ABCD2: variants seen among roughly 807,000 people sequenced by gnomAD.
The protein encoded by ABCD2 is ATP-binding cassette sub-family D member 2.
A neutral mutation model predicts 70.9 loss-of-function variants in ABCD2; 36 were observed. The observed-to-expected ratio is 0.51, with a 90% CI of 0.39 to 0.67. The LOEUF is 0.67. Among genes scored for constraint, ABCD2 ranks in the 30% least tolerant of loss-of-function variants. The pLI is 0.00. For missense variants in ABCD2, 729 were observed against 890.2 expected (o/e 0.82, Z 2.30); for synonymous variants, 304 against 306.9 (o/e 0.99, Z 0.10).
chr12:39,569,341 C>T (rs748687765), intron 9 of ABCD2, among the ~76,000 whole-genome samples: 95 of 152,338 alleles, frequency 6.2e-4, no homozygotes, highest in Non-Finnish European at 9.6e-4. Context: ...CACCCCTCCC[C>T]AGCCTTGCTG....
At position 39,550,212 on chromosome 12, in the gene ABCD2, A is replaced by G. The variant is rs991692466; in HGVS notation, c.*3700T>C. On this transcript the variant is annotated 3_prime_UTR_variant, in exon 10 of 10. Coordinates refer to ENST00000308666, the MANE Select transcript of ABCD2 (RefSeq NM_005164.4). ...AATACAATGTCTAAGTAAGGCGTAT[A>G]TAGACATATACCCAACATGGCCATT... 16 of 151,790 alleles carry G rather than the reference A, an allele frequency of 1.1e-4. No individual in the cohort carries two copies. The highest frequency in any genetic ancestry group is 3.9e-4 in the African/African-American group (16 of 41,404). 9.4% of individuals were successfully genotyped at this position (151,790 alleles called of 1,614,324 possible).
intron 9 of ABCD2, among the ~76,000 whole-genome samples, chr12:39,567,937 A>G (rs1941381956): frequency 1.3e-5 from 2 of 151,642 alleles, no homozygotes; most frequent in African/African-American, 4.9e-5. Context: ...TTTCTTTAAG[A>G]ATGTTGAATA....
At chr12:39,537,500 A>G in the ABCD2 span, among the ~76,000 whole-genome samples, 2 of 152,208 alleles carry the variant, frequency 1.3e-5, no homozygotes, top group East Asian at 1.9e-4. Flanking sequence ...TAACATTTTC[A>G]TTTCTTTTGA....
At chr12:39,580,980 T>G (rs1041272074) in intron 7 of ABCD2, among the ~76,000 whole-genome samples, 1 of 152,196 alleles carries the variant, frequency 6.6e-6, no homozygotes, top group Non-Finnish European at 1.5e-5. Context: ...TTGGACTTGT[T>G]TTTGAAATCC....
Position 39,618,694 on chromosome 12 carries a change from A to G in ABCD2, c.922T>C (p.Phe308Leu). ...RIIANVEEIA[F>L]YRGHKVEMKQ... is the part of the protein sequence containing the mutation. ...TATCTTACCTTATGTCCTCTGTAAA[A>G]GGCAATTTCTTCTACATTGGCTATA... The change falls in exon 1 of 10, where the codon TTT (phenylalanine) becomes CTT (leucine). Residue 308 changes from phenylalanine to leucine, a missense_variant. Physicochemically the swap from Phe to Leu is conservative, Grantham distance 22 (BLOSUM62 0). Around this residue, in one of 3 missense-constraint regions of ABCD2, gnomAD observed 195 missense variants for 300.2 expected, o/e 0.65. Transcript: ENST00000308666. 2 of 1,613,746 alleles carry G rather than the reference A, an allele frequency of 1.2e-6. No homozygotes were observed. The highest frequency in any genetic ancestry group is 8.5e-7 in the Non-Finnish European group (1 of 1,179,854).
chr12:39,582,642 T>C (rs367604022), intron 7 of ABCD2, among the ~76,000 whole-genome samples: 6 of 151,970 alleles, frequency 3.9e-5, no homozygotes, highest in Non-Finnish European at 8.8e-5. Context: ...CTCCAAGGAG[T>C]TGACCACATG....
At position 39,608,551 on chromosome 12, in the gene ABCD2, G is replaced by A. The variant is rs73096567; in HGVS notation, c.1121-837C>T. On this transcript the variant is annotated intron_variant, in intron 2 of 9. Coordinates refer to ENST00000308666, the MANE Select transcript of ABCD2 (RefSeq NM_005164.4). Reference sequence around the variant, plus strand: ...AAAAAAACGAAGATTAGCCGGGCATGATGGCAGATTCCTGCAATCCCAGCT... The same window carrying A: ...AAAAAAACGAAGATTAGCCGGGCATAATGGCAGATTCCTGCAATCCCAGCT... Among the ~76,000 whole-genome samples, 904 of 152,132 alleles carry A rather than the reference G, an allele frequency of 5.9e-3. 6 individuals carry two copies. Among genetic ancestry groups the A allele is most frequent in the Non-Finnish European group, 0.01 (691 of 67,990 alleles).
chr12:39,563,801 T>C (rs1941297932), intron 9 of ABCD2, among the ~76,000 whole-genome samples: 2 of 152,096 alleles, frequency 1.3e-5, no homozygotes, highest in Admixed American at 1.3e-4. Context: ...AACAGGCCCC[T>C]GTGTGTGATA....
intron 7 of ABCD2, among the ~76,000 whole-genome samples, chr12:39,582,438 A>G (rs924251173): frequency 3.9e-5 from 6 of 152,276 alleles, no homozygotes; most frequent in African/African-American, 9.6e-5. Flanking sequence ...TCAATAGCCC[A>G]TAACAATTAC....
In ABCD2 at chr12:39,619,210, CA is replaced by C; in HGVS notation, c.405del (p.Ile135MetfsTer13). On this transcript the variant is annotated frameshift_variant, in exon 1 of 10. Transcript: ENST00000308666. LOFTEE classifies it high-confidence loss of function. ...ATGAAAGTCCGAGGCTTCTTTTCCACAATGCTTTTCACGATTTTTCCATCCA... is the reference window on the plus strand; with the variant it reads ...ATGAAAGTCCGAGGCTTCTTTTCCACATGCTTTTCACGATTTTTCCATCCA... ...AGLDGKIVKS[I>X]VEKKPRTFII... is the part of the protein sequence containing the mutation. 1 of 1,614,152 alleles carries C rather than the reference CA, an allele frequency of 6.2e-7. No individual in the cohort carries two copies. Among genetic ancestry groups the C allele is most frequent in the Non-Finnish European group, 8.5e-7 (1 of 1,180,032 alleles).
Position 39,619,766 on chromosome 12 carries a change from T to G in ABCD2, c.-151A>C. The G allele has an allele frequency of 1.5e-6, 1 of 685,486 alleles. No homozygotes were observed. The allele number at this position is 685,486 out of a possible 1,614,324, so 42.5% of individuals were successfully genotyped here. A position where few individuals can be genotyped will look rare whatever the true frequency, so the allele number is the denominator to read the frequency against. On this transcript the variant is annotated 5_prime_UTR_variant, in exon 1 of 10. Coordinates refer to ENST00000308666, the MANE Select transcript of ABCD2 (RefSeq NM_005164.4). ...TGTTGTGTTTTTAATTTTGTTCTGC[T>G]GTGACAGATGCAGCAGAGCTCAGAC...
the ABCD2 span, among the ~76,000 whole-genome samples, chr12:39,544,875 A>G: frequency 6.6e-6 from 1 of 152,180 alleles, no homozygotes; most frequent in Admixed American, 6.5e-5. Context: ...CTACAGTTTT[A>G]CTACAGTGTT....
At chr12:39,567,764 C>T (rs878857291) in intron 9 of ABCD2, among the ~76,000 whole-genome samples, 6 of 152,112 alleles carry the variant, frequency 3.9e-5, no homozygotes, top group East Asian at 1.9e-4. Flanking sequence ...TGGCTGGTAC[C>T]GGTTGTTCCT....
At chr12:39,555,283 T>G (rs1941145690) in intron 9 of ABCD2, among the ~76,000 whole-genome samples, 1 of 152,164 alleles carries the variant, frequency 6.6e-6, no homozygotes, top group Non-Finnish European at 1.5e-5. Flanking sequence ...TACATGGAAT[T>G]ATAGAATATG....
At chr12:39,582,583 C>T (rs184168581) in intron 7 of ABCD2, among the ~76,000 whole-genome samples, 115 of 152,268 alleles carry the variant, frequency 7.6e-4, no homozygotes, top group African/African-American at 2.7e-3. Context: ...CTCAAAATAA[C>T]TTGCCCAAGA....
chr12:39,604,946 A>T lies in ABCD2; in HGVS notation c.1237-16T>A. The T allele has an allele frequency of 6.4e-7, 1 of 1,556,578 alleles. No individual in the cohort carries two copies. The highest frequency in any genetic ancestry group is 1.2e-5 in the South Asian group (1 of 80,326). On this transcript the variant is annotated splice_polypyrimidine_tract_variant and intron_variant, in intron 3 of 9. Coordinates refer to ENST00000308666, the MANE Select transcript of ABCD2 (RefSeq NM_005164.4). Reference sequence around the variant, plus strand: ...ATTCAGTGACCTAAAAGCAACACAGAGATATAAAATAGAGTTACTATATCC... The same window carrying T: ...ATTCAGTGACCTAAAAGCAACACAGTGATATAAAATAGAGTTACTATATCC...
At chr12:39,571,155 A>G (rs1941443166) in intron 9 of ABCD2, among the ~76,000 whole-genome samples, 1 of 152,168 alleles carries the variant, frequency 6.6e-6, no homozygotes, top group Non-Finnish European at 1.5e-5. Context: ...CATGGAAAAC[A>G]GTAAGGAGGT....
the ABCD2 span, among the ~76,000 whole-genome samples, chr12:39,543,549 G>A: frequency 0.1 from 15,532 of 152,126 alleles, 806 homozygotes; most frequent in East Asian, 0.16. Context: ...CTGGAGAAAC[G>A]GAATTGAGAA....
At chr12:39,574,836 T>C (rs1941494709) in intron 8 of ABCD2, among the ~76,000 whole-genome samples, 1 of 152,194 alleles carries the variant, frequency 6.6e-6, no homozygotes, top group Admixed American at 6.5e-5. Flanking sequence ...CCTTGTAAGT[T>C]ACTGTCCTAA....
Sources: allele counts gnomAD v4.1 joint callset (sites outside exome capture counted in the v4.1 genomes callset), GRCh38; gene constraint gnomAD v4.1.1; regional missense constraint gnomAD v4.1.1; transcripts MANE v1.5; gene names NCBI Gene and HGNC (gene_info 2026-07-23, HGNC 2026-07-21).